Variants in CPQ observed in about 807,000 individuals in gnomAD.
CPQ encodes the protein Ser-Met dipeptidase.
CPQ carries 37 observed loss-of-function variants against 45.7 expected under a neutral mutation model. The ratio of observed to expected loss-of-function variants is 0.81; its 90% CI spans 0.62 to 1.07. CPQ has a LOEUF of 1.07. CPQ is among the 50% of genes least tolerant of loss of function. The pLI, the probability that CPQ is intolerant of heterozygous loss-of-function variation, is 0.00. For synonymous variants in CPQ, 186 were observed against 205.8 expected (o/e 0.90, Z 0.82); for missense variants, 537 against 572.9 (o/e 0.94, Z 0.64).
chr8:97,084,998 T>C (rs981400175), intron 7 of CPQ, among the ~76,000 whole-genome samples: 32 of 152,188 alleles, frequency 2.1e-4, no homozygotes, highest in African/African-American at 7.7e-4. Context: ...ATTTTTTTTC[T>C]GTTTCTAAAC....
chr8:97,076,085 GC>G (rs1810840887), intron 7 of CPQ, among the ~76,000 whole-genome samples: 1 of 152,154 alleles, frequency 6.6e-6, no homozygotes, highest in African/African-American at 2.4e-5. Flanking sequence ...GAGTGCAGTA[GC>G]ACGATCTCAG....
chr8:96,754,244 G>C (rs1334009795), intron 1 of CPQ, among the ~76,000 whole-genome samples: 1 of 152,020 alleles, frequency 6.6e-6, no homozygotes, highest in East Asian at 1.9e-4. Flanking sequence ...ATACACTTGA[G>C]AAAGGCAGAT....
At chr8:97,068,301 A>T (rs1315355624) in intron 7 of CPQ, among the ~76,000 whole-genome samples, 1 of 152,142 alleles carries the variant, frequency 6.6e-6, no homozygotes, top group Non-Finnish European at 1.5e-5. Flanking sequence ...ACCTAATAGA[A>T]TGGAGTGGGG....
chr8:96,682,297 T>C (rs544229789), intron 1 of CPQ, among the ~76,000 whole-genome samples: 1 of 152,334 alleles, frequency 6.6e-6, no homozygotes, highest in East Asian at 1.9e-4. Context: ...ATTCTTGTGA[T>C]AGTAAGTCTC....
At chr8:96,870,841 A>G (rs780778249) in intron 3 of CPQ, among the ~76,000 whole-genome samples, 7 of 151,804 alleles carry the variant, frequency 4.6e-5, no homozygotes, top group Non-Finnish European at 1.0e-4. Context: ...CAAAAATATC[A>G]CCCTTCCTTA....
intron 7 of CPQ, among the ~76,000 whole-genome samples, chr8:97,069,782 C>T (rs1349107770): frequency 1.3e-5 from 2 of 151,768 alleles, no homozygotes; most frequent in African/African-American, 4.8e-5. Context: ...GAGTCCCTAC[C>T]ATGTTCTAGG....
intron 2 of CPQ, among the ~76,000 whole-genome samples, chr8:96,795,073 T>TGGAAC: frequency 6.6e-6 from 1 of 152,184 alleles, no homozygotes; most frequent in East Asian, 1.9e-4. Flanking sequence ...TTCCACATTT[T>TGGAAC]TGGGTATCTT....
In CPQ at chr8:97,024,504, ATCT is replaced by A. The variant is rs376251893; in HGVS notation, c.962-4893_962-4891del. Among the ~76,000 whole-genome samples, 476 of 152,256 alleles carry A rather than the reference ATCT, an allele frequency of 3.1e-3. 3 individuals carry two copies. The highest frequency in any genetic ancestry group is 0.011 in the African/African-American group (459 of 41,552). On this transcript the variant is annotated intron_variant, in intron 5 of 7. Coordinates refer to ENST00000220763, the MANE Select transcript of CPQ (RefSeq NM_016134.4). Reference sequence around the variant, plus strand: ...CCAAGGGATTCTTCCAAAAACAAAGATCTTCTTCAAGGTGATCTTCTGTTCTGC... The same window carrying A: ...CCAAGGGATTCTTCCAAAAACAAAGATCTTCAAGGTGATCTTCTGTTCTGC...
intron 3 of CPQ, among the ~76,000 whole-genome samples, chr8:96,853,552 T>G (rs1811801412): frequency 6.9e-6 from 1 of 145,900 alleles, no homozygotes; most frequent in Non-Finnish European, 1.5e-5. Context: ...ATGTTTATAA[T>G]ACTGGGCATG....
chr8:96,997,225 T>G (rs1365538516), intron 5 of CPQ, among the ~76,000 whole-genome samples: 1 of 151,984 alleles, frequency 6.6e-6, no homozygotes, highest in Non-Finnish European at 1.5e-5. Context: ...CTCATAAAAC[T>G]GGTTCCACTG....
intron 4 of CPQ, among the ~76,000 whole-genome samples, chr8:96,903,112 C>T (rs564867449): frequency 6.6e-6 from 1 of 152,164 alleles, no homozygotes; most frequent in Non-Finnish European, 1.5e-5. Context: ...GGACCTGTTG[C>T]GTCCCTTTGT....
intron 7 of CPQ, among the ~76,000 whole-genome samples, chr8:97,072,423 T>C (rs542133136): frequency 5.3e-5 from 8 of 152,180 alleles, no homozygotes; most frequent in African/African-American, 1.9e-4. Flanking sequence ...CACCGCTAAA[T>C]AACTTACTCA....
intron 1 of CPQ, among the ~76,000 whole-genome samples, chr8:96,680,222 G>C (rs1809131210): frequency 6.6e-6 from 1 of 152,102 alleles, no homozygotes; most frequent in South Asian, 2.1e-4. Flanking sequence ...TATTTGTACA[G>C]TTTCCAAAGT....
At chr8:96,897,605 T>A (rs953463220) in intron 4 of CPQ, among the ~76,000 whole-genome samples, 2 of 152,190 alleles carry the variant, frequency 1.3e-5, no homozygotes, top group African/African-American at 4.8e-5. Context: ...TTGTATGAAA[T>A]TATCTTCAGA....
intron 1 of CPQ, among the ~76,000 whole-genome samples, chr8:96,650,686 A>G (rs1815567349): frequency 6.6e-6 from 1 of 152,210 alleles, no homozygotes; most frequent in Admixed American, 6.5e-5. Context: ...ATAAATGTAA[A>G]AGTAAAGCAG....
intron 5 of CPQ, among the ~76,000 whole-genome samples, chr8:97,023,031 G>GTA (rs1009770775): frequency 0.017 from 2,417 of 143,320 alleles, 83 homozygotes; most frequent in African/African-American, 0.06. Context: ...TATATATACA[G>GTA]TATATATACA....
rs199596566 is a variant in CPQ, at chr8:96,797,833, C to T, written c.433+12503C>T. On this transcript the variant is annotated intron_variant, in intron 2 of 7. Transcript: ENST00000220763. The stretch of plus-strand genomic sequence containing the variant: ...TTGGGAGGCCGAGGCAGGTGGATCA[C>T]GAGGTCAGGAGATCAAGACCATCCT... Among the ~76,000 whole-genome samples the T allele has an allele frequency of 1.1e-4, 17 of 152,084 alleles. No homozygotes were observed. In the East Asian group the frequency reaches 1.2e-3, roughly 10 times the overall value.
chr8:96,838,840 T>C (rs1462226355), intron 3 of CPQ, among the ~76,000 whole-genome samples: 2 of 152,124 alleles, frequency 1.3e-5, no homozygotes, highest in African/African-American at 2.4e-5. Flanking sequence ...ATGTAACCCA[T>C]GTATAGTAAG....
chr8:96,876,912 G>A (rs966385296), intron 3 of CPQ, among the ~76,000 whole-genome samples: 2 of 152,118 alleles, frequency 1.3e-5, no homozygotes, highest in African/African-American at 4.8e-5. Context: ...TGATGCCTTT[G>A]TCTGGTTTTG....
Sources: gnomAD v4.1 joint callset for allele counts (sites outside exome capture counted in the v4.1 genomes callset) on GRCh38, gnomAD v4.1.1 for gene constraint, MANE v1.5 for transcripts, NCBI Gene and HGNC (gene_info 2026-07-23, HGNC 2026-07-21) for gene names.